PGAM5: variants seen among roughly 807,000 people sequenced by gnomAD.
PGAM5 encodes serine/threonine-protein phosphatase PGAM5, mitochondrial.
PGAM5 carries 25 observed loss-of-function variants against 30.6 expected under a neutral mutation model. The ratio of observed to expected loss-of-function variants is 0.82; its 90% confidence interval spans 0.60 to 1.14. The LOEUF (loss-of-function observed/expected upper bound fraction) is 1.14, where lower values mean the gene tolerates loss of function less well. Among genes scored for constraint, PGAM5 ranks in the 50% most tolerant of loss-of-function variants. PGAM5 has a pLI of 0.00. For missense variants in PGAM5, 384 were observed against 408.5 expected (o/e 0.94, Z 0.52); for synonymous variants, 201 against 179.1 (o/e 1.12, Z -0.98).
rs1382606444 is a variant in PGAM5, at chr12:132,717,757, G to A, written c.544G>A (p.Glu182Lys). 17 of 1,586,468 alleles carry A rather than the reference G, an allele frequency of 1.1e-5. No individual in the cohort carries two copies. Among genetic ancestry groups the A allele is most frequent in the Middle Eastern group, 1.7e-4 (1 of 5,994 alleles). ...TCTGCTGCGGGAAGGCGCCCCCATC[G>A]AGCCAGACCCGCCCGTGTCTCATTG... is the stretch of plus-strand genomic sequence containing the variant. ...TDLLREGAPI[E>K]PDPPVSHWKP... The change falls in exon 4 of 6, where the codon GAG (glutamate) becomes AAG (lysine). Residue 182 changes from glutamate (E) to lysine (K), a missense_variant. Transcript: ENST00000498926.
rs533236205 is a variant in PGAM5, at chr12:132,717,611, C to T, written c.496+47C>T. 45 of 1,602,762 alleles carry T rather than the reference C, an allele frequency of 2.8e-5. No individual in the cohort carries two copies. In the Admixed American group the frequency reaches 4.7e-4, roughly 17 times the overall value. On this transcript the variant is annotated intron_variant, in intron 3 of 5. Transcript: ENST00000498926. ...TCCATGCTTGCAGCAGTGGGCGGCT[C>T]GTGGCAGGGCCCCGGCCTGAGCTCC... is the stretch of plus-strand genomic sequence containing the variant.
chr12:132,715,668 C>T (rs7956329), intron 2 of PGAM5, among the ~76,000 whole-genome samples: 54,864 of 151,214 alleles, frequency 0.36, 11,226 homozygotes, highest in Non-Finnish European at 0.46. Context: ...CACCTGAGGT[C>T]AGGAGTTCGA....
chr12:132,716,923 T>G (rs2043583212), intron 2 of PGAM5, among the ~76,000 whole-genome samples: 1 of 152,128 alleles, frequency 6.6e-6, no homozygotes, highest in Admixed American at 6.6e-5. Flanking sequence ...TCCTGAGGCG[T>G]TTTCACCTGG....
At chr12:132,711,187 C>T in intron 1 of PGAM5, 120 bp downstream of exon 1, 1 of 791,292 alleles carries the variant, frequency 1.3e-6, no homozygotes, top group South Asian at 6.3e-5. Context: ...GGGTCGCCGT[C>T]TGCTTTCCCC....
At chr12:132,718,153 AT>A in intron 5 of PGAM5, 33 bp downstream of exon 5, 1 of 1,610,738 alleles carries the variant, frequency 6.2e-7, no homozygotes, top group Non-Finnish European at 8.5e-7. Flanking sequence ...GTGGTCTAAA[AT>A]AATTTCAGAC....
At position 132,714,121 on chromosome 12, in the gene PGAM5, G is replaced by A. The variant is rs536634236; in HGVS notation, c.192-737G>A. Among the ~76,000 whole-genome samples, 21 of 152,122 alleles carry A rather than the reference G, an allele frequency of 1.4e-4. No individual in the cohort carries two copies. The South Asian group carries it at 3.7e-3, about 27-fold the overall frequency. ...CAACCTCCGCCTCCCAGGTTCAAGC[G>A]ATTCTCCTGCCTCAGCCTCCCAAGT... On this transcript the variant is annotated intron_variant, in intron 1 of 5. Coordinates refer to ENST00000498926, the MANE Select transcript of PGAM5 (RefSeq NM_001170543.2).
chr12:132,714,700 G>A (rs981023100), intron 1 of PGAM5, 158 bp from the exon 2 acceptor site: 21 of 712,610 alleles, frequency 2.9e-5, no homozygotes, highest in East Asian at 1.1e-4. Context: ...GGAGAGTGGC[G>A]GTATGCTCAG....
intron 5 of PGAM5, among the ~76,000 whole-genome samples, chr12:132,720,156 G>A (rs1459930296): frequency 7.5e-5 from 5 of 66,422 alleles, no homozygotes; most frequent in East Asian, 7.6e-4. Flanking sequence ...GAGAAGCCCC[G>A]ACTGAAGACA....
chr12:132,718,376 GC>G (rs1268253592), intron 5 of PGAM5, among the ~76,000 whole-genome samples: 86 of 119,358 alleles, frequency 7.2e-4, no homozygotes, highest in African/African-American at 2.9e-3. Context: ...TGGGTGGGGT[GC>G]GTGCTGGGTG....
At chr12:132,717,876 C>G in intron 4 of PGAM5, 78 bp downstream of exon 4, 2 of 1,593,312 alleles carry the variant, frequency 1.3e-6, no homozygotes, top group South Asian at 1.1e-5. Flanking sequence ...TCACCATCCA[C>G]CACGTGCCCG....
intron 4 of PGAM5, 45 bp from the exon 5 acceptor site, chr12:132,717,942 C>T: frequency 1.2e-6 from 2 of 1,609,756 alleles, no homozygotes; most frequent in Non-Finnish European, 1.7e-6. Context: ...GACACCCGCC[C>T]TGCCCGAGCA....
chr12:132,718,857 G>A (rs777110278), intron 5 of PGAM5: 42 of 1,612,682 alleles, frequency 2.6e-5, no homozygotes, highest in East Asian at 6.7e-5. Context: ...GTGTGCCAGC[G>A]TGACGGCTCG....
At position 132,710,908 on chromosome 12, in the gene PGAM5, C is replaced by T. The variant is rs896802914; in HGVS notation, c.32C>T (p.Ala11Val). ...TTCCGGCAGGCGCTGCAGCTGGCGG[C>T]CTGCGGGCTGGCCGGGGGCTCGGCC... MAFRQALQLA[A>V]CGLAGGSAAV... is the part of the protein sequence containing the mutation. The change falls in exon 1 of 6, where the codon GCC becomes GTC. Residue 11 changes from alanine to valine, a missense_variant. Transcript: ENST00000498926. 1.7e-6 allele frequency: 2 copies of T among 1,148,246 alleles called. No individual in the cohort carries two copies. The highest frequency in any genetic ancestry group is 2.1e-6 in the Non-Finnish European group (2 of 935,894). 71.1% of individuals were successfully genotyped at this position (1,148,246 alleles called of 1,614,324 possible).
rs137901456 is a variant in PGAM5, at chr12:132,716,737, T to C, written c.371-702T>C. Among the ~76,000 whole-genome samples the C allele has an allele frequency of 1.7e-3, 254 of 152,294 alleles. 1 individual carries two copies. The highest frequency in any genetic ancestry group is 6.0e-3 in the African/African-American group (249 of 41,572). The stretch of plus-strand genomic sequence containing the variant: ...AAGGTAGAGTTTACATTTTGAAAAG[T>C]TCTTCGAATGGGATAGTGCCTGTTC... On this transcript the variant is annotated intron_variant, in intron 2 of 5. Transcript: ENST00000498926.
rs997011382 is a variant in PGAM5 at position 132,721,811 on chromosome 12, C to G, written c.*983C>G. On this transcript the variant is annotated 3_prime_UTR_variant, in exon 6 of 6. Coordinates refer to ENST00000498926, the MANE Select transcript of PGAM5 (RefSeq NM_001170543.2). ...ATGGAGAAACCAATATAGAATTGTTCAGGCTGGTCTCGAACTCCCAACCTC... is the reference window on the plus strand; with the variant it reads ...ATGGAGAAACCAATATAGAATTGTTGAGGCTGGTCTCGAACTCCCAACCTC... 2.6e-5 allele frequency: 4 copies of G among 152,276 alleles called. No individual in the cohort carries two copies. Among genetic ancestry groups the G allele is most frequent in the Admixed American group, 2.0e-4 (3 of 15,296 alleles). The allele number at this position is 152,276 out of a possible 1,614,324, so 9.4% of individuals were successfully genotyped here. A position where few individuals can be genotyped will look rare whatever the true frequency, so the allele number is the denominator to read the frequency against.
rs60922526 is a variant in PGAM5 at position 132,715,093 on chromosome 12, A to ATCC, written c.370+59_370+60insCTC. 0.78 allele frequency: 1,173,450 copies of ATCC among 1,497,210 alleles called. 462,650 individuals carry two copies. Among genetic ancestry groups the ATCC allele is most frequent in the East Asian group, 1 (40,368 of 40,566 alleles). 92.7% of individuals were successfully genotyped at this position (1,497,210 alleles called of 1,614,324 possible). ...CTCGTGGTTATGTGGCCAGGTGCAT[A>ATCC]TCTGCTGGCGCCTTGGTTATGTGAC... On this transcript the variant is annotated intron_variant, in intron 2 of 5. Coordinates refer to ENST00000498926, the MANE Select transcript of PGAM5 (RefSeq NM_001170543.2).
chr12:132,716,547 G>T, intron 2 of PGAM5, among the ~76,000 whole-genome samples: 1 of 151,882 alleles, frequency 6.6e-6, no homozygotes, highest in East Asian at 1.9e-4. Context: ...GCCTCTTAAT[G>T]CCCTGTTGAA....
chr12:132,716,797 G>T (rs547193289), intron 2 of PGAM5, among the ~76,000 whole-genome samples: 6 of 152,360 alleles, frequency 3.9e-5, no homozygotes, highest in Admixed American at 2.0e-4. Context: ...GTAAAAATGT[G>T]CAGGGCTGTC....
intron 5 of PGAM5, chr12:132,719,099 T>C: frequency 7.2e-7 from 1 of 1,388,784 alleles, no homozygotes; most frequent in Non-Finnish European, 9.3e-7. Context: ...CAGGGCCAGC[T>C]CTACGGTTAC....
Sources: gnomAD v4.1 joint callset for allele counts (sites outside exome capture counted in the v4.1 genomes callset) on GRCh38, gnomAD v4.1.1 for gene constraint, MANE v1.5 for transcripts, NCBI Gene and HGNC (gene_info 2026-07-23, HGNC 2026-07-21) for gene names.